Variants in PACRG observed in about 807,000 individuals in gnomAD.
The protein encoded by PACRG is parkin coregulated gene protein.
Under a neutral mutation model 29.7 loss-of-function variants are expected in PACRG, and 29 were observed. The ratio of observed to expected loss-of-function variants is 0.98; its 90% CI spans 0.73 to 1.33. The LOEUF is 1.33. Ranked by LOEUF, PACRG falls within the 40% of genes most tolerant of loss-of-function variation. The probability of loss-of-function intolerance (pLI) is 0.00; values close to 1 mark genes in which losing one functional copy is unlikely to be tolerated. For missense variants in PACRG, 279 were observed against 316.2 expected (o/e 0.88, Z 0.89); for synonymous variants, 116 against 118.7 (o/e 0.98, Z 0.15).
At chr6:163,196,119 A>C (rs540090207) in intron 4 of PACRG, among the ~76,000 whole-genome samples, 1 of 152,328 alleles carries the variant, frequency 6.6e-6, no homozygotes, top group East Asian at 1.9e-4. Flanking sequence ...CCAAGATCCC[A>C]ATCAGCATTT....
chr6:162,947,611 C>CATATATATATATAATCATATAT (rs1799279479), intron 2 of PACRG, among the ~76,000 whole-genome samples: 1 of 27,990 alleles, frequency 3.6e-5, no homozygotes, highest in Non-Finnish European at 7.5e-5. Flanking sequence ...TATATATAAT[C>CATATATATATATAATCATATAT]ATATATATAT....
intron 4 of PACRG, among the ~76,000 whole-genome samples, chr6:163,252,262 T>A (rs80025640): frequency 0.021 from 3,215 of 152,316 alleles, 118 homozygotes; most frequent in African/African-American, 0.073. Flanking sequence ...CACTGAATAT[T>A]CCCCAAGCAT....
chr6:162,810,693 A>G (rs1217308181), intron 1 of PACRG, among the ~76,000 whole-genome samples: 2 of 152,216 alleles, frequency 1.3e-5, no homozygotes, highest in African/African-American at 2.4e-5. Context: ...TGCAGTAGGC[A>G]GAAGGAAGAA....
At position 162,995,322 on chromosome 6, in the gene PACRG, G is replaced by A. The variant is rs573347118; in HGVS notation, c.292-66828G>A. 1.5e-4 allele frequency among the ~76,000 whole-genome samples: 22 copies of A among 150,982 alleles called. No homozygotes were observed. The East Asian group carries it at 3.3e-3, about 23-fold the overall frequency. The stretch of plus-strand genomic sequence containing the variant: ...TACCTAAGCAAGCCTGGGCAATGGC[G>A]GGCGCCCCTCCCCCAGCCTCGCTGC... On this transcript the variant is annotated intron_variant, in intron 2 of 4. Coordinates refer to ENST00000366888, the MANE Select transcript of PACRG (RefSeq NM_001080379.2).
rs910389877 is a variant in PACRG at position 162,748,078 on chromosome 6, A to G, written c.156+19687A>G. ...AATTTTACTCTATGGTTTTTTAACC[A>G]TAGATCTCACCTCTCTAACTCTAGT... On this transcript the variant is annotated intron_variant, in intron 1 of 4. Coordinates refer to ENST00000366888, the MANE Select transcript of PACRG (RefSeq NM_001080379.2). 1.1e-4 allele frequency among the ~76,000 whole-genome samples: 16 copies of G among 152,224 alleles called. 1 individual carries two copies. The highest frequency in any genetic ancestry group is 3.3e-4 in the Admixed American group (5 of 15,276).
intron 2 of PACRG, among the ~76,000 whole-genome samples, chr6:162,933,199 A>C (rs1797979397): frequency 6.6e-6 from 1 of 152,202 alleles, no homozygotes; most frequent in African/African-American, 2.4e-5. Flanking sequence ...GTTTTATTAC[A>C]TTGTGATGTG....
chr6:162,811,167 A>C (rs1409057851), intron 1 of PACRG, among the ~76,000 whole-genome samples: 1 of 152,216 alleles, frequency 6.6e-6, no homozygotes, highest in Non-Finnish European at 1.5e-5. Flanking sequence ...TAGAACCATG[A>C]ACCTTAAATC....
At chr6:163,243,470 T>A (rs1356654025) in intron 4 of PACRG, among the ~76,000 whole-genome samples, 6 of 152,148 alleles carry the variant, frequency 3.9e-5, no homozygotes, top group Non-Finnish European at 1.5e-5. Flanking sequence ...ATTTCCAAGC[T>A]CCCAAGTCAC....
intron 4 of PACRG, chr6:163,111,948 TCTGAA>T: frequency 1.9e-6 from 1 of 515,290 alleles, no homozygotes; most frequent in Middle Eastern, 1.0e-3. Context: ...TTAATCATAT[TCTGAA>T]TTTTCAGGGA....
intron 4 of PACRG, among the ~76,000 whole-genome samples, chr6:163,122,423 C>T (rs537079489): frequency 3.0e-4 from 45 of 152,246 alleles, no homozygotes; most frequent in South Asian, 1.7e-3. Flanking sequence ...GCCTACCGGG[C>T]GGTGTTTGGG....
intron 2 of PACRG, among the ~76,000 whole-genome samples, chr6:162,874,618 C>A (rs986646238): frequency 6.6e-6 from 1 of 152,144 alleles, no homozygotes; most frequent in Non-Finnish European, 1.5e-5. Context: ...CTGATGGACA[C>A]CCCCCAATGT....
intron 1 of PACRG, among the ~76,000 whole-genome samples, chr6:162,787,939 T>C (rs986195811): frequency 1.3e-5 from 2 of 151,952 alleles, no homozygotes; most frequent in Non-Finnish European, 2.9e-5. Context: ...ACAGCAAAAT[T>C]GGGCAACAAA....
At chr6:163,312,931 C>T (rs1465449432) in intron 4 of PACRG, 1 of 275,064 alleles carries the variant, frequency 3.6e-6, no homozygotes, top group East Asian at 1.5e-4. Flanking sequence ...TTTTTAATTT[C>T]TTTTATAGAG....
chr6:163,256,003 A>G (rs189847538), intron 4 of PACRG, among the ~76,000 whole-genome samples: 2 of 152,290 alleles, frequency 1.3e-5, no homozygotes, highest in African/African-American at 4.8e-5. Context: ...ATGTATCACT[A>G]TTAGCTTTAT....
intron 1 of PACRG, among the ~76,000 whole-genome samples, chr6:162,769,279 A>G (rs1783029491): frequency 6.7e-6 from 1 of 149,596 alleles, no homozygotes; most frequent in Non-Finnish European, 1.5e-5. Flanking sequence ...CATGAAAAGA[A>G]TAAGCCTTTA....
At chr6:162,864,197 G>T (rs1304781879) in intron 2 of PACRG, among the ~76,000 whole-genome samples, 1 of 152,074 alleles carries the variant, frequency 6.6e-6, no homozygotes, top group Non-Finnish European at 1.5e-5. Context: ...CTTTGCCCAT[G>T]CTGCTTGAAT....
chr6:162,943,565 C>A (rs561994416), intron 2 of PACRG, among the ~76,000 whole-genome samples: 2 of 152,248 alleles, frequency 1.3e-5, no homozygotes, highest in South Asian at 2.1e-4. Flanking sequence ...AGGCATTTCA[C>A]TGGGGGCCTG....
At chr6:162,892,331 C>A (rs1368674456) in intron 2 of PACRG, among the ~76,000 whole-genome samples, 1 of 152,204 alleles carries the variant, frequency 6.6e-6, no homozygotes, top group Non-Finnish European at 1.5e-5. Flanking sequence ...ACTTTGGTCT[C>A]CTCCTGGTCA....
At chr6:162,801,169 G>A (rs912737931) in intron 1 of PACRG, among the ~76,000 whole-genome samples, 1 of 152,072 alleles carries the variant, frequency 6.6e-6, no homozygotes, top group Admixed American at 6.5e-5. Flanking sequence ...CCCAGGCTGG[G>A]GGATATCTTG....
Sources: allele counts gnomAD v4.1 joint callset (sites outside exome capture counted in the v4.1 genomes callset), GRCh38; gene constraint gnomAD v4.1.1; transcripts MANE v1.5; gene names NCBI Gene and HGNC (gene_info 2026-07-23, HGNC 2026-07-21).